OSBPL10: variants seen among roughly 807,000 people sequenced by gnomAD.
OSBPL10 encodes oxysterol binding protein like 10.
OSBPL10 carries 49 observed loss-of-function variants against 81.7 expected under a neutral mutation model. The ratio of observed to expected loss-of-function variants is 0.60; its 90% CI spans 0.48 to 0.76. The LOEUF (loss-of-function observed/expected upper bound fraction) is 0.76. Ranked by LOEUF, OSBPL10 falls within the 30% of genes least tolerant of loss-of-function variation. OSBPL10 has a pLI of 0.00. For synonymous variants in OSBPL10, 419 were observed against 383.6 expected (o/e 1.09, Z -1.08); for missense variants, 923 against 987.8 (o/e 0.93, Z 0.88).
rs1052948834 is a variant in OSBPL10 at position 32,058,774 on chromosome 3, C to T, written n.186-12171G>A. 4.6e-5 allele frequency among the ~76,000 whole-genome samples: 7 copies of T among 152,308 alleles called. No individual in the cohort carries two copies. In the South Asian group the frequency reaches 6.2e-4, roughly 14 times the overall value. ...CCTTGACCTGGGCTCAAGTCATCTT[C>T]CTGCCTTAGCCTCCCAGTGGCTGCC... is the stretch of plus-strand genomic sequence containing the variant. On this transcript the variant is annotated intron_variant and non_coding_transcript_variant, in intron 1 of 3. Transcript: ENST00000479173.
intron 3 of OSBPL10, among the ~76,000 whole-genome samples, chr3:31,866,621 G>T (rs376612229): frequency 2.0e-5 from 3 of 152,142 alleles, no homozygotes; most frequent in Admixed American, 6.5e-5. Context: ...TGACAAAGGC[G>T]GGGGAGGAGA....
At chr3:31,690,710 G>C (rs1463220451) in intron 7 of OSBPL10, among the ~76,000 whole-genome samples, 2 of 152,162 alleles carry the variant, frequency 1.3e-5, no homozygotes, top group African/African-American at 4.8e-5. Context: ...AGAATACCTG[G>C]AGAGATGGAG....
chr3:32,032,186 A>G (rs1289225965), intron 2 of OSBPL10, among the ~76,000 whole-genome samples: 1 of 152,170 alleles, frequency 6.6e-6, no homozygotes, highest in Middle Eastern at 3.2e-3. Flanking sequence ...TGGGAGACCA[A>G]GGCAGGTGGA....
chr3:31,895,750 CAG>C (rs1364512267), intron 1 of OSBPL10, among the ~76,000 whole-genome samples: 1 of 152,200 alleles, frequency 6.6e-6, no homozygotes, highest in Non-Finnish European at 1.5e-5. Flanking sequence ...GTAAGTGACT[CAG>C]TGTTCCTGCC....
chr3:31,961,047 C>CTTTTTTTTTTTTTTTTTTTTTTT (rs35027814), intron 1 of OSBPL10, among the ~76,000 whole-genome samples: 1 of 113,024 alleles, frequency 8.8e-6, no homozygotes, highest in Non-Finnish European at 1.8e-5. Context: ...AAGCTACAGC[C>CTTTTTTTTTTTTTTTTTTTTTTT]TTTTTTTTTT....
Position 31,830,041 on chromosome 3 carries a change from TCTCTGACTTCGTGAAGCTG to T in OSBPL10, c.709_727del (p.Gln237ArgfsTer2). On this transcript the variant is annotated frameshift_variant and splice_region_variant, in exon 4 of 12. Transcript: ENST00000396556. LOFTEE classifies it high-confidence loss of function. ...ACCTAGTAGGAGAGCAAAGCCTACC[TCTCTGACTTCGTGAAGCTG>T]GCCGGAATACTGACTCTTGGCTCTT... is the stretch of plus-strand genomic sequence containing the variant. 6.2e-7 allele frequency: 1 copy of T among 1,612,104 alleles called. No homozygotes were observed. Among genetic ancestry groups the T allele is most frequent in the South Asian group, 1.1e-5 (1 of 90,810 alleles).
chr3:31,809,869 C>CTTTTTTT (rs34795137), intron 4 of OSBPL10, among the ~76,000 whole-genome samples: 1,377 of 98,526 alleles, frequency 0.014, 70 homozygotes, highest in African/African-American at 0.045. Flanking sequence ...CCCCCTGACT[C>CTTTTTTT]TTTTTTTTTT....
intron 4 of OSBPL10, among the ~76,000 whole-genome samples, chr3:31,757,357 T>C (rs180882036): frequency 7.2e-4 from 110 of 152,196 alleles, no homozygotes; most frequent in African/African-American, 2.4e-3. Context: ...TCCAGCACTT[T>C]GGGAGGCTGA....
At chr3:31,951,721 A>G (rs922383178) in intron 1 of OSBPL10, among the ~76,000 whole-genome samples, 1 of 150,908 alleles carries the variant, frequency 6.6e-6, no homozygotes, top group South Asian at 2.1e-4. Flanking sequence ...TTTAAACTAT[A>G]TAATTATATA....
intron 4 of OSBPL10, among the ~76,000 whole-genome samples, chr3:31,748,571 G>A (rs1207335403): frequency 2.0e-5 from 3 of 149,576 alleles, no homozygotes; most frequent in Non-Finnish European, 4.4e-5. Flanking sequence ...GAATTGGAAG[G>A]GAAATCTGGG....
chr3:31,735,728 A>G (rs555275267), intron 5 of OSBPL10, among the ~76,000 whole-genome samples: 1 of 103,664 alleles, frequency 9.6e-6, no homozygotes, highest in African/African-American at 3.7e-5. Context: ...GTCAGCTAAA[A>G]TATCACTTGC....
intron 4 of OSBPL10, among the ~76,000 whole-genome samples, chr3:31,825,615 C>G (rs1388462564): frequency 6.6e-6 from 1 of 152,118 alleles, no homozygotes; most frequent in Non-Finnish European, 1.5e-5. Context: ...CTGCACCCAG[C>G]CCCATAAGAC....
chr3:32,068,255 G>A (rs377182382), intron 1 of OSBPL10, among the ~76,000 whole-genome samples: 47 of 152,172 alleles, frequency 3.1e-4, no homozygotes, highest in African/African-American at 9.9e-4. Flanking sequence ...TAATCACTGC[G>A]GGGACCCCTG....
chr3:31,892,495 GT>G (rs1225709179), intron 1 of OSBPL10, among the ~76,000 whole-genome samples: 2 of 152,170 alleles, frequency 1.3e-5, no homozygotes, highest in African/African-American at 4.8e-5. Context: ...TTCTCTCAAC[GT>G]GACGACTGGG....
At chr3:31,712,956 A>C (rs1007398137) in intron 6 of OSBPL10, among the ~76,000 whole-genome samples, 2 of 152,222 alleles carry the variant, frequency 1.3e-5, no homozygotes, top group African/African-American at 2.4e-5. Flanking sequence ...CACATCCATC[A>C]GCAACTTCTG....
chr3:31,951,407 AC>A (rs1697866158), intron 1 of OSBPL10, among the ~76,000 whole-genome samples: 1 of 152,124 alleles, frequency 6.6e-6, no homozygotes, highest in Non-Finnish European at 1.5e-5. Context: ...TTTATATTAT[AC>A]AAAGGTGAAG....
intron 9 of OSBPL10, among the ~76,000 whole-genome samples, chr3:31,669,115 A>C (rs895071828): frequency 6.6e-6 from 1 of 152,172 alleles, no homozygotes; most frequent in Non-Finnish European, 1.5e-5. Context: ...ACTGGGATGA[A>C]AATCAGGCAA....
At chr3:31,680,611 C>T (rs1380667989) in intron 8 of OSBPL10, among the ~76,000 whole-genome samples, 1 of 152,162 alleles carries the variant, frequency 6.6e-6, no homozygotes, top group Admixed American at 6.5e-5. Flanking sequence ...AGAACCCTTT[C>T]GGAAATAAAC....
intron 1 of OSBPL10, among the ~76,000 whole-genome samples, chr3:31,939,909 C>T (rs945118594): frequency 1.3e-5 from 2 of 152,036 alleles, no homozygotes; most frequent in Non-Finnish European, 2.9e-5. Context: ...AATAGAGGGA[C>T]GAGGTCTCAC....
Sources: allele counts gnomAD v4.1 joint callset (sites outside exome capture counted in the v4.1 genomes callset), GRCh38; gene constraint gnomAD v4.1.1; transcripts MANE v1.5; gene names NCBI Gene and HGNC (gene_info 2026-07-23, HGNC 2026-07-21).